RSRC1: variants seen among roughly 807,000 people sequenced by gnomAD.
The protein encoded by RSRC1 is arginine and serine rich coiled-coil 1, also known as serine/Arginine-related protein 53.
RSRC1 carries 39 observed loss-of-function variants against 49.1 expected under a neutral mutation model. The ratio of observed to expected loss-of-function variants is 0.79; its 90% CI spans 0.61 to 1.04. RSRC1 has a LOEUF of 1.04. Among genes scored for constraint, RSRC1 ranks in the 50% least tolerant of loss-of-function variants. RSRC1 has a pLI of 0.00. For synonymous variants in RSRC1, 143 were observed against 130.8 expected (o/e 1.09, Z -0.63); for missense variants, 388 against 402.4 (o/e 0.96, Z 0.31).
At chr3:158,467,446 A>T (rs561641422) in intron 7 of RSRC1, among the ~76,000 whole-genome samples, 7 of 152,242 alleles carry the variant, frequency 4.6e-5, no homozygotes, top group Non-Finnish European at 7.3e-5. Context: ...TCTATCTACT[A>T]TCTAAATATG....
At chr3:158,371,159 T>C (rs1278908482) in intron 6 of RSRC1, among the ~76,000 whole-genome samples, 1 of 151,900 alleles carries the variant, frequency 6.6e-6, no homozygotes, top group African/African-American at 2.4e-5. Context: ...TATTTATATA[T>C]TCTAAATACA....
chr3:158,410,291 C>T (rs1387602097), intron 6 of RSRC1, among the ~76,000 whole-genome samples: 1 of 152,024 alleles, frequency 6.6e-6, no homozygotes, highest in Non-Finnish European at 1.5e-5. Context: ...TTGGTTTGTA[C>T]CTGTTTTTCC....
At chr3:158,368,944 G>A (rs964362875) in intron 6 of RSRC1, among the ~76,000 whole-genome samples, 8 of 151,974 alleles carry the variant, frequency 5.3e-5, no homozygotes, top group Non-Finnish European at 1.2e-4. Flanking sequence ...ATAAGTGAAA[G>A]AAATAATTAA....
At chr3:158,430,440 A>G (rs941449567) in intron 6 of RSRC1, among the ~76,000 whole-genome samples, 7 of 151,820 alleles carry the variant, frequency 4.6e-5, no homozygotes, top group African/African-American at 7.3e-5. Context: ...CTGGCTACCT[A>G]TTACATAATG....
At position 158,539,243 on chromosome 3, in the gene RSRC1, G is replaced by T. The variant is rs1408134326; in HGVS notation, c.759+2045G>T. Among the ~76,000 whole-genome samples, 1 of 151,946 alleles carries T rather than the reference G, an allele frequency of 6.6e-6. No homozygotes were observed. Among genetic ancestry groups the T allele is most frequent in the Non-Finnish European group, 1.5e-5 (1 of 67,918 alleles). On this transcript the variant is annotated intron_variant, in intron 8 of 9. Transcript: ENST00000611884. This position sits in a 1 kb window ranked among gnomAD's most constrained non-coding sequence, Gnocchi z 4.1. ...TGTATGCTGGCCACCCCTTCAGTTG[G>T]TACCGTATTTGTTTAGCTGTGTTAA...
intron 4 of RSRC1, among the ~76,000 whole-genome samples, chr3:158,285,590 T>C (rs369276050): frequency 6.6e-6 from 1 of 152,100 alleles, no homozygotes; most frequent in Non-Finnish European, 1.5e-5. Context: ...TGTAGTTCTC[T>C]TTGAAGAGGT....
chr3:158,113,135 T>C (rs1196241232), intron 1 of RSRC1, among the ~76,000 whole-genome samples: 1 of 152,186 alleles, frequency 6.6e-6, no homozygotes, highest in Non-Finnish European at 1.5e-5. Context: ...AACAGAATGA[T>C]TTCTATTCCT....
chr3:158,268,518 T>C (rs1725332707), intron 4 of RSRC1, among the ~76,000 whole-genome samples: 1 of 152,202 alleles, frequency 6.6e-6, no homozygotes, highest in African/African-American at 2.4e-5. Flanking sequence ...GGTCTTCTAC[T>C]ATTGTGTTTC....
intron 7 of RSRC1, among the ~76,000 whole-genome samples, chr3:158,508,135 GTT>G (rs1333155878): frequency 6.6e-6 from 1 of 151,940 alleles, no homozygotes; most frequent in Non-Finnish European, 1.5e-5. Flanking sequence ...GTGGGTTTTG[GTT>G]TTGCTTTAAA....
chr3:158,197,851 G>T (rs533673234), intron 3 of RSRC1, among the ~76,000 whole-genome samples: 1 of 152,294 alleles, frequency 6.6e-6, no homozygotes, highest in South Asian at 2.1e-4. Flanking sequence ...ACTGTGGTCT[G>T]AGAGACAGTT....
At chr3:158,156,505 A>C (rs1559922383) in intron 3 of RSRC1, among the ~76,000 whole-genome samples, 1 of 152,228 alleles carries the variant, frequency 6.6e-6, no homozygotes, top group Non-Finnish European at 1.5e-5. Flanking sequence ...TTTTCAGTGC[A>C]AGAGGCCTAG....
intron 3 of RSRC1, among the ~76,000 whole-genome samples, chr3:158,188,164 C>G (rs1199694086): frequency 6.6e-6 from 1 of 151,752 alleles, no homozygotes; most frequent in South Asian, 2.1e-4. Flanking sequence ...GAGGTGTCTC[C>G]ACTCTGGCTA....
intron 3 of RSRC1, among the ~76,000 whole-genome samples, chr3:158,142,180 A>G (rs1276421913): frequency 6.6e-6 from 1 of 152,222 alleles, no homozygotes. Context: ...TGAAAGTTTT[A>G]TTATCCATTA....
intron 3 of RSRC1, 65 bp from the exon 4 acceptor site, chr3:158,203,007 G>C: frequency 1.6e-6 from 2 of 1,289,476 alleles, no homozygotes; most frequent in Non-Finnish European, 2.2e-6. Flanking sequence ...TAATTTAAAA[G>C]AGTATTTACT....
At chr3:158,327,762 G>C (rs1478221445) in intron 5 of RSRC1, among the ~76,000 whole-genome samples, 1 of 152,136 alleles carries the variant, frequency 6.6e-6, no homozygotes, top group Non-Finnish European at 1.5e-5. Flanking sequence ...TTGGTGAAGA[G>C]CTGAGTTCAA....
intron 4 of RSRC1, among the ~76,000 whole-genome samples, chr3:158,286,447 GCAAA>G (rs1227715367): frequency 6.6e-6 from 1 of 152,134 alleles, no homozygotes; most frequent in Non-Finnish European, 1.5e-5. Flanking sequence ...ACCGTGCCTG[GCAAA>G]CTCTGTTCAG....
At chr3:158,225,370 A>G (rs991047990) in intron 4 of RSRC1, among the ~76,000 whole-genome samples, 1 of 151,926 alleles carries the variant, frequency 6.6e-6, no homozygotes, top group South Asian at 2.1e-4. Context: ...TATTAAATAC[A>G]TATGTATTAA....
At chr3:158,271,028 A>G (rs1181895466) in intron 4 of RSRC1, among the ~76,000 whole-genome samples, 1 of 152,162 alleles carries the variant, frequency 6.6e-6, no homozygotes, top group African/African-American at 2.4e-5. Flanking sequence ...CCCGTGTCAT[A>G]TTGAATTCAT....
intron 6 of RSRC1, among the ~76,000 whole-genome samples, chr3:158,398,291 C>T (rs1293330602): frequency 6.6e-6 from 1 of 152,004 alleles, no homozygotes; most frequent in Non-Finnish European, 1.5e-5. Flanking sequence ...CCTGGAGGTC[C>T]ACGATATAGG....
Sources: gnomAD v4.1 joint callset for allele counts (sites outside exome capture counted in the v4.1 genomes callset) on GRCh38, gnomAD v4.1.1 for gene constraint, Gnocchi (gnomAD v3.1) non-coding constraint, MANE v1.5 for transcripts, NCBI Gene and HGNC (gene_info 2026-07-23, HGNC 2026-07-21) for gene names.